CHDH: variants seen among roughly 807,000 people sequenced by gnomAD.
CHDH encodes choline dehydrogenase, mitochondrial.
Under a neutral mutation model 56.9 loss-of-function variants are expected in CHDH, and 43 were observed. The observed-to-expected ratio is 0.76, with a 90% CI of 0.59 to 0.97. The LOEUF is 0.97. Among genes scored for constraint, CHDH ranks in the 50% least tolerant of loss-of-function variants. The pLI is 0.00. For missense variants in CHDH, 816 were observed against 821.1 expected (o/e 0.99, Z 0.08); for synonymous variants, 364 against 348.5 (o/e 1.04, Z -0.50).
rs1192110550 is a variant in CHDH, at chr3:53,846,383, C to A, written c.-431G>T. ...CGGCGGCCCGTGCTCCGCCAGCGCT[C>A]GGACACGGCCCATCCCTCCGAGCCC... On this transcript the variant is annotated 5_prime_UTR_variant, in exon 1 of 9. Transcript: ENST00000315251. 3 of 490,794 alleles carry A rather than the reference C, an allele frequency of 6.1e-6. No homozygotes were observed. The highest frequency in any genetic ancestry group is 1.0e-5 in the Non-Finnish European group (3 of 288,958). 30.4% of individuals were successfully genotyped at this position (490,794 alleles called of 1,614,324 possible). A position where few individuals can be genotyped will look rare whatever the true frequency, so the allele number is the denominator to read the frequency against.
chr3:53,836,293 C>T (rs1698491884), intron 2 of CHDH, among the ~76,000 whole-genome samples: 1 of 152,318 alleles, frequency 6.6e-6, no homozygotes, highest in Admixed American at 6.5e-5. Flanking sequence ...GGACAAGCTT[C>T]CTCATGGCCC....
At chr3:53,831,297 C>T (rs1011387286) in intron 2 of CHDH, among the ~76,000 whole-genome samples, 4 of 152,224 alleles carry the variant, frequency 2.6e-5, no homozygotes, top group African/African-American at 9.6e-5. Flanking sequence ...ACCTGGCTCC[C>T]GGAAAGCATC....
chr3:53,821,828 C>T (rs1207289131), intron 4 of CHDH, 52 bp from the exon 5 acceptor site: 1 of 1,603,992 alleles, frequency 6.2e-7, no homozygotes, highest in Non-Finnish European at 8.5e-7. Flanking sequence ...GTTCTCCTGA[C>T]TCACAGACCA....
intron 2 of CHDH, among the ~76,000 whole-genome samples, chr3:53,832,572 A>G (rs1173476762): frequency 6.6e-6 from 1 of 152,216 alleles, no homozygotes; most frequent in African/African-American, 2.4e-5. Flanking sequence ...ACAGGTGAGT[A>G]GATAAAATGT....
intron 5 of CHDH, 22 bp downstream of exon 5, chr3:53,821,625 A>C: frequency 6.2e-7 from 1 of 1,608,812 alleles, no homozygotes; most frequent in Non-Finnish European, 8.5e-7. Context: ...GCCTCTGGGG[A>C]GCAGTAAAGA....
rs765241448 is a variant in CHDH, at chr3:53,820,509, A to G, written c.1085T>C (p.Val362Ala). 3.7e-6 allele frequency: 6 copies of G among 1,613,776 alleles called. No individual in the cohort carries two copies. In the East Asian group the frequency reaches 1.3e-4, roughly 36 times the overall value. ...CCAGAGCCACTCCAGACCAATGCAG[A>G]CCTTCCGCAGGGGCTTCTGTGCTGA... ...LHSAQKPLRK[V>A]CIGLEWLWKF... The change falls in exon 6 of 9, where the codon GTC (valine) becomes GCC (alanine). Residue 362 changes from valine to alanine, a missense_variant. Coordinates refer to ENST00000315251, the MANE Select transcript of CHDH (RefSeq NM_018397.5).
In CHDH at chr3:53,846,370, C is replaced by G. The variant is rs1698888996; in HGVS notation, c.-418G>C. ...TAGGCGCGCGCCGCGGCGGCCCGTG[C>G]TCCGCCAGCGCTCGGACACGGCCCA... On this transcript the variant is annotated 5_prime_UTR_variant, in exon 1 of 9. Transcript: ENST00000315251. The G allele has an allele frequency of 1.1e-5, 5 of 474,540 alleles. No homozygotes were observed. Among genetic ancestry groups the G allele is most frequent in the Non-Finnish European group, 1.8e-5 (5 of 275,716 alleles). The allele number at this position is 474,540 out of a possible 1,614,324, so 29.4% of individuals were successfully genotyped here. A position where few individuals can be genotyped will look rare whatever the true frequency, so the allele number is the denominator to read the frequency against.
intron 4 of CHDH, among the ~76,000 whole-genome samples, chr3:53,822,199 G>A (rs1453492603): frequency 6.6e-6 from 1 of 152,130 alleles, no homozygotes; most frequent in Non-Finnish European, 1.5e-5. Flanking sequence ...TAAACCTATA[G>A]CTTTCTGTGA....
Position 53,813,087 on chromosome 3 carries a change from AT to A in CHDH, c.*4689del, listed in dbSNP as rs1346694066. 3.3e-5 allele frequency: 5 copies of A among 151,550 alleles called. No homozygotes were observed. Among genetic ancestry groups the A allele is most frequent in the Non-Finnish European group, 7.4e-5 (5 of 67,962 alleles). 9.4% of individuals were successfully genotyped at this position (151,550 alleles called of 1,614,324 possible). On this transcript the variant is annotated 3_prime_UTR_variant, in exon 9 of 9. Coordinates refer to ENST00000315251, the MANE Select transcript of CHDH (RefSeq NM_018397.5). ...TCAAAAAGATAGATGATAGGTAGCA[AT>A]TTTGGTCCAAAATTTTTAATAGTAT...
intron 1 of CHDH, among the ~76,000 whole-genome samples, chr3:53,843,176 T>C (rs1356279697): frequency 1.1e-5 from 1 of 93,104 alleles, no homozygotes; most frequent in African/African-American, 3.3e-5. Flanking sequence ...CCTAGGGAAT[T>C]TCCCCCCCCA....
At position 53,843,690 on chromosome 3, in the gene CHDH, G is replaced by A. The variant is rs114641565; in HGVS notation, c.-131+2393C>T. ...TGAGCACCCCCTACAAAGCCCCCCC[G>A]GACAGGAAGGCACACTGGCTGGTAG... On this transcript the variant is annotated intron_variant, in intron 1 of 8. Transcript: ENST00000315251. Among the ~76,000 whole-genome samples, 1,086 of 151,906 alleles carry A rather than the reference G, an allele frequency of 7.1e-3. 14 individuals carry two copies. The highest frequency in any genetic ancestry group is 0.025 in the African/African-American group (1,034 of 41,406).
chr3:53,823,650 A>G lies in CHDH; in HGVS notation c.359T>C (p.Leu120Pro). The change falls in exon 3 of 9, where the codon CTG becomes CCG. Residue 120 changes from leucine to proline, a missense_variant. Leu to Pro is a moderately conservative substitution (Grantham distance 98). Transcript: ENST00000315251. ...EVQRGLDGRV[L>P]YWPRGRVWGG... is the part of the protein sequence containing the mutation. The stretch of plus-strand genomic sequence containing the variant: ...CCAGACGCGGCCGCGTGGCCAGTAC[A>G]GCACGCGGCCGTCCAGGCCCCGCTG... 1.3e-6 allele frequency: 2 copies of G among 1,545,022 alleles called. No individual in the cohort carries two copies. Among genetic ancestry groups the G allele is most frequent in the Non-Finnish European group, 1.7e-6 (2 of 1,146,252 alleles).
At chr3:53,827,393 C>T (rs766272259) in intron 2 of CHDH, among the ~76,000 whole-genome samples, 42 of 152,150 alleles carry the variant, frequency 2.8e-4, no homozygotes, top group Non-Finnish European at 4.4e-5. Context: ...GCCTGTGGAA[C>T]CATGAGCCAA....
In CHDH at chr3:53,813,751, T is replaced by C. The variant is rs1012266780; in HGVS notation, c.*4026A>G. ...AAGAAAAATTTGAAGTTGTAGAGCA[T>C]GGTTTTTTGTTTTCCCTTGTCTTAG... On this transcript the variant is annotated 3_prime_UTR_variant, in exon 9 of 9. Coordinates refer to ENST00000315251, the MANE Select transcript of CHDH (RefSeq NM_018397.5). 4 of 152,246 alleles carry C rather than the reference T, an allele frequency of 2.6e-5. No individual in the cohort carries two copies. The highest frequency in any genetic ancestry group is 5.9e-5 in the Non-Finnish European group (4 of 68,040). The allele number at this position is 152,246 out of a possible 1,614,324, so 9.4% of individuals were successfully genotyped here.
Position 53,821,781 on chromosome 3 carries a change from A to G in CHDH, c.856-5T>C. The G allele has an allele frequency of 1.2e-6, 2 of 1,613,646 alleles. No individual in the cohort carries two copies. Among genetic ancestry groups the G allele is most frequent in the East Asian group, 2.2e-5 (1 of 44,884 alleles). On this transcript the variant is annotated splice_region_variant and splice_polypyrimidine_tract_variant and intron_variant, in intron 4 of 8. Transcript: ENST00000315251. ...CACCTCCTTGCTGGCATAAGCCTGG[A>G]AGAGGTCCAGCCAGGTCACTCCCTG...
Position 53,819,425 on chromosome 3 carries a change from T to C in CHDH, c.1263+107A>G. The C allele has an allele frequency of 2.1e-6, 3 of 1,441,352 alleles. No homozygotes were observed. The highest frequency in any genetic ancestry group is 2.8e-6 in the Non-Finnish European group (3 of 1,063,962). The allele number at this position is 1,441,352 out of a possible 1,614,324, so 89.3% of individuals were successfully genotyped here. A position where few individuals can be genotyped will look rare whatever the true frequency, so the allele number is the denominator to read the frequency against. On this transcript the variant is annotated intron_variant, in intron 7 of 8. Transcript: ENST00000315251. This position sits in a 1 kb window ranked among gnomAD's most constrained non-coding sequence, Gnocchi z 5.4. ...GGACAGGCCTCTGTGTCCCCCACTC[T>C]GCAGCCATATGGCACCAGGGAGAAT...
intron 6 of CHDH, among the ~76,000 whole-genome samples, chr3:53,820,163 G>A (rs2095623474): frequency 6.6e-6 from 1 of 152,180 alleles, no homozygotes. Flanking sequence ...GACCTCACCT[G>A]CTGTCCAGCA....
rs2106963422 is a variant in CHDH at position 53,823,678 on chromosome 3, CCT to C, written c.329_330del (p.Glu110GlyfsTer124). 2.6e-6 allele frequency: 4 copies of C among 1,547,722 alleles called. No individual in the cohort carries two copies. The East Asian group carries it at 7.3e-5, about 28-fold the overall frequency. On this transcript the variant is annotated frameshift_variant, in exon 3 of 9. Coordinates refer to ENST00000315251, the MANE Select transcript of CHDH (RefSeq NM_018397.5). LOFTEE classifies it high-confidence loss of function. ...ACGCGGCCGTCCAGGCCCCGCTGCACCTCTGTGTGGTAGCACCAGTTGTACCT... is the reference window on the plus strand; with the variant it reads ...ACGCGGCCGTCCAGGCCCCGCTGCACCTGTGTGGTAGCACCAGTTGTACCT... ...DDRYNWCYHT[E>X]VQRGLDGRVL...
intron 2 of CHDH, among the ~76,000 whole-genome samples, chr3:53,825,423 G>A (rs1241189501): frequency 2.6e-5 from 4 of 151,568 alleles, no homozygotes; most frequent in African/African-American, 9.7e-5. Context: ...GCCAAACAAT[G>A]AAAACTATAG....
Sources: gnomAD v4.1 joint callset for allele counts (sites outside exome capture counted in the v4.1 genomes callset) on GRCh38, gnomAD v4.1.1 for gene constraint, Gnocchi (gnomAD v3.1) non-coding constraint, MANE v1.5 for transcripts, NCBI Gene and HGNC (gene_info 2026-07-23, HGNC 2026-07-21) for gene names.